The following SFMBT1 variants were observed in gnomAD, a reference collection of about 807,000 sequenced individuals.
SFMBT1 encodes the protein scm-like with four MBT domains protein 1.
SFMBT1 carries 32 observed loss-of-function variants against 108.7 expected under a neutral mutation model. That is an observed-to-expected ratio of 0.29 (90% confidence interval 0.22 to 0.40). SFMBT1 has a LOEUF of 0.40. SFMBT1 is among the 10% of genes least tolerant of loss of function. The probability of loss-of-function intolerance (pLI) is 1.00; values close to 1 mark genes in which losing one functional copy is unlikely to be tolerated. For synonymous variants in SFMBT1, 348 were observed against 369.5 expected (o/e 0.94, Z 0.67); for missense variants, 816 against 1,059.6 (o/e 0.77, Z 3.19).
rs1445568836 is a variant in SFMBT1 at position 52,926,110 on chromosome 3, T to G, written c.1052A>C (p.Tyr351Ser). 1.9e-6 allele frequency: 3 copies of G among 1,605,038 alleles called. No individual in the cohort carries two copies. The highest frequency in any genetic ancestry group is 1.3e-5 in the African/African-American group (1 of 74,118). ...AGCCCAGTCAAAGTCCTGGCTTGGGTAGCCTAGGTGGGGACAAATGAACAA... is the reference window on the plus strand; with the variant it reads ...AGCCCAGTCAAAGTCCTGGCTTGGGGAGCCTAGGTGGGGACAAATGAACAA... ...NGLHISPPPG[Y>S]PSQDFDWADY... Residue 351 changes from tyrosine to serine, a missense_variant, in exon 10 of 21, where the codon TAC (tyrosine) becomes TCC (serine). Around this residue, in one of 5 missense-constraint regions of SFMBT1, gnomAD observed 495 missense variants for 607.4 expected, o/e 0.81. Coordinates refer to ENST00000394752, the MANE Select transcript of SFMBT1 (RefSeq NM_016329.4).
chr3:53,012,022 G>A (rs1698960656), intron 1 of SFMBT1, among the ~76,000 whole-genome samples: 1 of 152,180 alleles, frequency 6.6e-6, no homozygotes, highest in Non-Finnish European at 1.5e-5. Context: ...CACTTTTTAA[G>A]TATCTATGTG....
chr3:52,925,943 T>TTGA (rs1432714616), intron 10 of SFMBT1, 88 bp downstream of exon 10: 19 of 1,198,806 alleles, frequency 1.6e-5, no homozygotes, highest in Admixed American at 2.5e-5. Flanking sequence ...GAGATGATTA[T>TTGA]CTTCAGAGCA....
At chr3:52,948,573 C>T (rs1703456299) in intron 3 of SFMBT1, among the ~76,000 whole-genome samples, 1 of 151,574 alleles carries the variant, frequency 6.6e-6, no homozygotes, top group South Asian at 2.1e-4. Context: ...AGGTGTATCC[C>T]TTCATGTATA....
chr3:53,008,941 T>C (rs1698847496), intron 1 of SFMBT1, among the ~76,000 whole-genome samples: 2 of 151,450 alleles, frequency 1.3e-5, no homozygotes, highest in South Asian at 2.1e-4. Context: ...GGCCGGAAGA[T>C]TTTGTTTACC....
chr3:53,028,428 T>G (rs1277280130), intron 1 of SFMBT1, among the ~76,000 whole-genome samples: 1 of 152,228 alleles, frequency 6.6e-6, no homozygotes, highest in Non-Finnish European at 1.5e-5. Flanking sequence ...AACTTGTGTG[T>G]TGACATACAG....
chr3:52,960,078 A>C (rs1559527246), intron 2 of SFMBT1, among the ~76,000 whole-genome samples: 1 of 151,946 alleles, frequency 6.6e-6, no homozygotes, highest in South Asian at 2.1e-4. Flanking sequence ...CTTCAATGGA[A>C]TACTACTACA....
At chr3:52,991,338 ACTT>A (rs903817414) in intron 1 of SFMBT1, among the ~76,000 whole-genome samples, 4 of 69,626 alleles carry the variant, frequency 5.7e-5, no homozygotes, top group Admixed American at 1.3e-4. Context: ...ACATGCTGAA[ACTT>A]CTTTTTTTTT....
chr3:52,988,565 C>T (rs1054357000), intron 1 of SFMBT1, among the ~76,000 whole-genome samples: 3 of 151,936 alleles, frequency 2.0e-5, no homozygotes, highest in Non-Finnish European at 4.4e-5. Context: ...CATTTAACAA[C>T]AATGATACTA....
At chr3:52,923,561 A>G (rs1347776922) in intron 10 of SFMBT1, among the ~76,000 whole-genome samples, 2 of 150,682 alleles carry the variant, frequency 1.3e-5, no homozygotes, top group Non-Finnish European at 3.0e-5. Context: ...GCTCCATCAA[A>G]AAAAAAAAAA....
intron 1 of SFMBT1, among the ~76,000 whole-genome samples, chr3:53,002,894 T>A (rs1194308982): frequency 6.7e-6 from 1 of 150,164 alleles, no homozygotes; most frequent in Non-Finnish European, 1.5e-5. Flanking sequence ...CCCCGCTCTC[T>A]GGTCCTGGCT....
chr3:52,908,120 CTGGAG>C (rs2106759005), intron 17 of SFMBT1, among the ~76,000 whole-genome samples: 1 of 145,496 alleles, frequency 6.9e-6, no homozygotes, highest in Admixed American at 7.1e-5. Flanking sequence ...TGTCGCCAGG[CTGGAG>C]TGGAGTGGCA....
At chr3:52,930,907 A>T in intron 7 of SFMBT1, 34 bp downstream of exon 7, 1 of 1,572,590 alleles carries the variant, frequency 6.4e-7, no homozygotes, top group Non-Finnish European at 8.8e-7. Flanking sequence ...CTGTAAGGGG[A>T]GCAATACCGG....
chr3:52,957,589 G>A (rs1703821950), intron 2 of SFMBT1, among the ~76,000 whole-genome samples: 1 of 152,128 alleles, frequency 6.6e-6, no homozygotes, highest in African/African-American at 2.4e-5. Context: ...AAAACAGCAT[G>A]ATACTTGTAC....
At chr3:53,009,508 A>C (rs145610938) in intron 1 of SFMBT1, among the ~76,000 whole-genome samples, 5 of 152,326 alleles carry the variant, frequency 3.3e-5, no homozygotes, top group Non-Finnish European at 7.4e-5. Context: ...ATACAGGAGA[A>C]TACAAGGGTG....
In SFMBT1 at chr3:52,965,221, C is replaced by G. The variant is rs143799922; in HGVS notation, c.28+3880G>C. Among the ~76,000 whole-genome samples, 63 of 151,314 alleles carry G rather than the reference C, an allele frequency of 4.2e-4. 1 individual carries two copies. The highest frequency in any genetic ancestry group is 3.4e-3 in the Middle Eastern group (1 of 292). ...ACCCAATTAATTAAAAAAAAACCCTCTATGGATAAGTTCAACAGCAGAATG... is the reference window on the plus strand; with the variant it reads ...ACCCAATTAATTAAAAAAAAACCCTGTATGGATAAGTTCAACAGCAGAATG... On this transcript the variant is annotated intron_variant, in intron 2 of 20. Transcript: ENST00000394752.
intron 1 of SFMBT1, among the ~76,000 whole-genome samples, chr3:53,024,099 G>A (rs1699404135): frequency 6.6e-6 from 1 of 152,182 alleles, no homozygotes; most frequent in South Asian, 2.1e-4. Flanking sequence ...AACACATAGT[G>A]TGTAACACAA....
intron 1 of SFMBT1, among the ~76,000 whole-genome samples, chr3:53,011,665 A>G (rs747698977): frequency 1.3e-5 from 2 of 152,212 alleles, no homozygotes; most frequent in Non-Finnish European, 2.9e-5. Flanking sequence ...AAAATCAAAG[A>G]TGACTCCAAA....
chr3:52,912,729 T>C, intron 15 of SFMBT1, 82 bp from the exon 16 acceptor site: 1 of 1,025,884 alleles, frequency 9.7e-7, no homozygotes, highest in Admixed American at 1.9e-5. Context: ...TTCCTTAAAA[T>C]GTTAAGATTA....
Position 52,969,187 on chromosome 3 carries a change from G to A in SFMBT1, c.-59C>T. 2 of 1,606,666 alleles carry A rather than the reference G, an allele frequency of 1.2e-6. No individual in the cohort carries two copies. The highest frequency in any genetic ancestry group is 1.7e-6 in the Non-Finnish European group (2 of 1,177,906). Reference sequence around the variant, plus strand: ...AAACAAAGGAAAGGCCTATGGTTCTGCTAGGATCTGAAGATTACTTGCAGG... The same window carrying A: ...AAACAAAGGAAAGGCCTATGGTTCTACTAGGATCTGAAGATTACTTGCAGG... On this transcript the variant is annotated 5_prime_UTR_variant, in exon 2 of 21. Transcript: ENST00000394752.
Sources: gnomAD v4.1 joint callset for allele counts (sites outside exome capture counted in the v4.1 genomes callset) on GRCh38, gnomAD v4.1.1 for gene constraint, gnomAD v4.1.1 regional missense constraint, MANE v1.5 for transcripts, NCBI Gene and HGNC (gene_info 2026-07-23, HGNC 2026-07-21) for gene names.